The following HOOK3 variants were observed in gnomAD, a reference collection of about 807,000 sequenced individuals.
The protein encoded by HOOK3 is hook microtubule tethering protein 3.
Under a neutral mutation model 116.3 loss-of-function variants are expected in HOOK3, and 24 were observed. The ratio of observed to expected loss-of-function variants is 0.21; its 90% CI spans 0.15 to 0.29. HOOK3 has a LOEUF of 0.29. HOOK3 is among the 10% of genes least tolerant of loss of function. The pLI is 1.00. For missense variants in HOOK3, 632 were observed against 830.2 expected (o/e 0.76, Z 2.93); for synonymous variants, 275 against 283.0 (o/e 0.97, Z 0.28).
chr8:42,916,750 T>G lies in HOOK3; in HGVS notation c.144-8807T>G, dbSNP rs554946338. ...AAATCAGTGAGAATTTCTAACAACT[T>G]TGTATCAACCTACTGTCTGTCTCCC... On this transcript the variant is annotated intron_variant, in intron 2 of 21. Transcript: ENST00000307602. Among the ~76,000 whole-genome samples the G allele has an allele frequency of 2.6e-5, 4 of 152,286 alleles. No homozygotes were observed. The South Asian group carries it at 8.3e-4, about 32-fold the overall frequency.
chr8:42,953,905 TA>T, intron 6 of HOOK3, among the ~76,000 whole-genome samples: 1 of 152,186 alleles, frequency 6.6e-6, no homozygotes, highest in Admixed American at 6.5e-5. Context: ...CACTCAGGTC[TA>T]AGCAGTGCAG....
intron 4 of HOOK3, among the ~76,000 whole-genome samples, chr8:42,938,455 T>C (rs1808020167): frequency 6.6e-6 from 1 of 152,302 alleles, no homozygotes; most frequent in Non-Finnish European, 1.5e-5. Context: ...GTGGTTATTT[T>C]GCCTATTAGT....
intron 6 of HOOK3, among the ~76,000 whole-genome samples, chr8:42,951,946 AAAG>A (rs1269603889): frequency 2.0e-5 from 3 of 152,208 alleles, no homozygotes; most frequent in African/African-American, 7.2e-5. Context: ...TCAAAAAAAA[AAAG>A]AAAAATACAA....
chr8:43,008,182 C>G (rs1187444066), intron 18 of HOOK3, among the ~76,000 whole-genome samples: 2 of 151,896 alleles, frequency 1.3e-5, no homozygotes, highest in Non-Finnish European at 2.9e-5. Flanking sequence ...CTACGCCCGG[C>G]TAATTTTTTG....
intron 1 of HOOK3, among the ~76,000 whole-genome samples, chr8:42,905,326 G>T (rs545202341): frequency 0.013 from 850 of 66,138 alleles, 10 homozygotes; most frequent in East Asian, 0.027. Flanking sequence ...TTCTTTTTTT[G>T]GGGGGGGGGG....
chr8:42,966,432 A>C, intron 9 of HOOK3, 41 bp from the exon 10 acceptor site: 2 of 1,603,740 alleles, frequency 1.2e-6, no homozygotes, highest in Non-Finnish European at 1.7e-6. Context: ...ATGAGGAGGC[A>C]GTAAATAGTG....
At chr8:42,915,007 T>G (rs776724684) in intron 2 of HOOK3, among the ~76,000 whole-genome samples, 4 of 152,100 alleles carry the variant, frequency 2.6e-5, no homozygotes, top group Non-Finnish European at 5.9e-5. Flanking sequence ...TCATAAAAGT[T>G]GAAAGAGGCC....
At chr8:42,952,233 A>G (rs928261676) in intron 6 of HOOK3, among the ~76,000 whole-genome samples, 2 of 152,272 alleles carry the variant, frequency 1.3e-5, no homozygotes, top group East Asian at 3.8e-4. Flanking sequence ...CACAGAAGTC[A>G]GGAATGATAA....
In HOOK3 at chr8:43,010,364, A is replaced by G; in HGVS notation, c.1798A>G (p.Met600Val). Reference sequence around the variant, plus strand: ...AAAGAAAGAGGAAGAAATGAAGCAAATGGAAGAACGATACAAAAAATACTT... The same window carrying G: ...AAAGAAAGAGGAAGAAATGAAGCAAGTGGAAGAACGATACAAAAAATACTT... ...LRKKEEEMKQ[M>V]EERYKKYLEK... The change falls in exon 19 of 22, where the codon ATG becomes GTG. Residue 600 changes from methionine (M) to valine (V), a missense_variant. Met to Val is a conservative substitution (Grantham distance 21, BLOSUM62 1). Transcript: ENST00000307602. 6.7e-7 allele frequency: 1 copy of G among 1,492,378 alleles called. No homozygotes were observed. 92.4% of individuals were successfully genotyped at this position (1,492,378 alleles called of 1,614,324 possible).
Position 42,906,272 on chromosome 8 carries a change from G to C in HOOK3, c.143+14G>C. 1 of 1,510,556 alleles carries C rather than the reference G, an allele frequency of 6.6e-7. No individual in the cohort carries two copies. The highest frequency in any genetic ancestry group is 1.8e-4 in the Middle Eastern group (1 of 5,680). 93.6% of individuals were successfully genotyped at this position (1,510,556 alleles called of 1,614,324 possible). A position where few individuals can be genotyped will look rare whatever the true frequency, so the allele number is the denominator to read the frequency against. On this transcript the variant is annotated intron_variant, in intron 2 of 21. Transcript: ENST00000307602. Reference sequence around the variant, plus strand: ...TCTTCAAAAGATGTAAGAATAAATTGCTTATCTTTATGTGTATTCTTATGC... The same window carrying C: ...TCTTCAAAAGATGTAAGAATAAATTCCTTATCTTTATGTGTATTCTTATGC...
chr8:42,902,273 TC>T (rs1372102146), intron 1 of HOOK3, among the ~76,000 whole-genome samples: 16 of 149,290 alleles, frequency 1.1e-4, no homozygotes, highest in African/African-American at 3.9e-4. Flanking sequence ...TCTCTCTCTC[TC>T]TCTTTTTTTT....
At chr8:42,936,295 A>G (rs571662618) in intron 4 of HOOK3, among the ~76,000 whole-genome samples, 14 of 152,332 alleles carry the variant, frequency 9.2e-5, no homozygotes, top group Middle Eastern at 3.4e-3. Context: ...TTGGGCTGAG[A>G]TGATGGGGTT....
In HOOK3 at chr8:42,975,478, G is replaced by A. The variant is rs1436832435; in HGVS notation, c.1321+1284G>A. On this transcript the variant is annotated intron_variant, in intron 13 of 21. Transcript: ENST00000307602. ...AGATGATAGGTGCTATAATTGAAAC[G>A]TGTGCAAGGGCTGGTAGTGACGTAA... Among the ~76,000 whole-genome samples, 8 of 152,266 alleles carry A rather than the reference G, an allele frequency of 5.3e-5. No individual in the cohort carries two copies. The South Asian group carries it at 1.0e-3, about 20-fold the overall frequency.
chr8:42,939,345 G>A (rs1168795742), intron 4 of HOOK3, among the ~76,000 whole-genome samples: 2 of 151,100 alleles, frequency 1.3e-5, no homozygotes, highest in South Asian at 2.1e-4. Context: ...TCGGGCGGGG[G>A]GCTGACCTTC....
chr8:43,007,016 ATTTTTT>A (rs58609523), intron 17 of HOOK3, among the ~76,000 whole-genome samples: 7 of 103,278 alleles, frequency 6.8e-5, no homozygotes, highest in South Asian at 3.2e-4. Flanking sequence ...AAGTTCCTAG[ATTTTTT>A]TTTTTTTTTT....
intron 2 of HOOK3, among the ~76,000 whole-genome samples, chr8:42,915,479 C>T (rs777350521): frequency 7.9e-5 from 12 of 152,022 alleles, no homozygotes; most frequent in African/African-American, 1.2e-4. Flanking sequence ...TTGCCCAGGT[C>T]GGAGAGCAAT....
chr8:42,990,542 T>A (rs778569042), intron 15 of HOOK3, among the ~76,000 whole-genome samples: 1 of 151,692 alleles, frequency 6.6e-6, no homozygotes, highest in Non-Finnish European at 1.5e-5. Flanking sequence ...GGTTTCGCCA[T>A]GTTGCCCAGG....
chr8:42,962,183 A>C (rs1808545186), intron 8 of HOOK3, among the ~76,000 whole-genome samples: 1 of 151,776 alleles, frequency 6.6e-6, no homozygotes. Context: ...CCTGGGCTTA[A>C]GTGATCCTCC....
At chr8:42,964,920 A>G (rs1180943392) in intron 9 of HOOK3, among the ~76,000 whole-genome samples, 1 of 152,236 alleles carries the variant, frequency 6.6e-6, no homozygotes, top group Non-Finnish European at 1.5e-5. Context: ...ATCTCCTCAC[A>G]CAACATGAAA....
Sources: gnomAD v4.1 joint callset for allele counts (sites outside exome capture counted in the v4.1 genomes callset) on GRCh38, gnomAD v4.1.1 for gene constraint, MANE v1.5 for transcripts, NCBI Gene and HGNC (gene_info 2026-07-23, HGNC 2026-07-21) for gene names.